The following SCTR variants were observed in gnomAD, a reference collection of about 807,000 sequenced individuals.
SCTR encodes pancreatic secretin receptor.
Under a neutral mutation model 60.8 loss-of-function variants are expected in SCTR, and 56 were observed. The ratio of observed to expected loss-of-function variants is 0.92; its 90% confidence interval spans 0.74 to 1.15. The LOEUF is 1.15. Among genes scored for constraint, SCTR ranks in the 50% most tolerant of loss-of-function variants. The pLI, the probability that SCTR is intolerant of heterozygous loss-of-function variation, is 0.00. For synonymous variants in SCTR, 202 were observed against 217.0 expected (o/e 0.93, Z 0.61); for missense variants, 562 against 550.4 (o/e 1.02, Z -0.21).
At chr2:119,485,371 G>A (rs912425057) in intron 2 of SCTR, among the ~76,000 whole-genome samples, 3 of 152,240 alleles carry the variant, frequency 2.0e-5, no homozygotes, top group Non-Finnish European at 4.4e-5. Flanking sequence ...CAGGGATAGA[G>A]AGGTGGCCCC....
In SCTR at chr2:119,440,093, C is replaced by G; in HGVS notation, c.*24G>C. ...CGCAGGACCTCTCTTGGTCTCTGTCCGTGGGTGACCCTGCTCCAGCCTCTC... is the reference window on the plus strand; with the variant it reads ...CGCAGGACCTCTCTTGGTCTCTGTCGGTGGGTGACCCTGCTCCAGCCTCTC... On this transcript the variant is annotated 3_prime_UTR_variant, in exon 13 of 13. Coordinates refer to ENST00000019103, the MANE Select transcript of SCTR (RefSeq NM_002980.3). 6.2e-7 allele frequency: 1 copy of G among 1,609,714 alleles called. No homozygotes were observed.
intron 1 of SCTR, among the ~76,000 whole-genome samples, chr2:119,514,949 G>A (rs560475651): frequency 6.6e-6 from 1 of 152,188 alleles, no homozygotes; most frequent in African/African-American, 2.4e-5. Flanking sequence ...ATAATTACTT[G>A]CCTAACAACC....
chr2:119,460,006 C>T lies in SCTR; in HGVS notation c.790+1841G>A, dbSNP rs77760004. Among the ~76,000 whole-genome samples, 906 of 151,942 alleles carry T rather than the reference C, an allele frequency of 6.0e-3. 4 individuals are homozygous for T. Among genetic ancestry groups the T allele is most frequent in the African/African-American group, 0.02 (823 of 41,450 alleles). On this transcript the variant is annotated intron_variant, in intron 7 of 12. Transcript: ENST00000019103. ...CTCTGGGATTGCTGGCCTCTAGAGA[C>T]GTCGGCATAACTCTGCAACCTCCCG...
At chr2:119,453,130 C>T (rs1683237233) in intron 8 of SCTR, among the ~76,000 whole-genome samples, 157 bp downstream of exon 8, 1 of 152,232 alleles carries the variant, frequency 6.6e-6, no homozygotes, top group African/African-American at 2.4e-5. Flanking sequence ...CCTGGAAACA[C>T]ACCTGGGAAG....
chr2:119,464,195 A>G lies in SCTR; in HGVS notation c.564T>C (p.Arg188=). ...CGTCCTTGATGAAGTTGGACAGGGC[A>G]CGAAGGATGAAGGACACGAACAGGT... The part of the protein sequence containing the change: ...HMHLFVSFIL[R]ALSNFIKDAV... The change falls in exon 6 of 13, where the codon CGT becomes CGC. Residue 188 remains arginine, a synonymous_variant. Transcript: ENST00000019103. 1 of 1,614,178 alleles carries G rather than the reference A, an allele frequency of 6.2e-7. No individual in the cohort carries two copies. The highest frequency in any genetic ancestry group is 8.5e-7 in the Non-Finnish European group (1 of 1,180,004).
chr2:119,489,987 G>T (rs1678051843), intron 2 of SCTR, among the ~76,000 whole-genome samples: 1 of 152,212 alleles, frequency 6.6e-6, no homozygotes, highest in Non-Finnish European at 1.5e-5. Flanking sequence ...TGCTGTCATT[G>T]GAATTTCAGG....
chr2:119,451,921 C>T (rs957814900), intron 9 of SCTR, 89 bp downstream of exon 9: 5 of 802,698 alleles, frequency 6.2e-6, no homozygotes, highest in Admixed American at 4.0e-5. Flanking sequence ...CTGCAGGGAG[C>T]CCTGTCCTTC....
intron 2 of SCTR, chr2:119,487,430 T>A (rs1677916190): frequency 6.6e-6 from 1 of 152,212 alleles, no homozygotes; most frequent in South Asian, 2.1e-4. Flanking sequence ...ATGACCCCAC[T>A]TGAAGGCAAG....
chr2:119,469,626 A>G (rs1293922669), intron 4 of SCTR, among the ~76,000 whole-genome samples: 1 of 152,168 alleles, frequency 6.6e-6, no homozygotes, highest in African/African-American at 2.4e-5. Context: ...AGTAGCTAAG[A>G]CTACAGGCAA....
At chr2:119,523,563 G>C (rs1361370625) in intron 1 of SCTR, among the ~76,000 whole-genome samples, 2 of 151,796 alleles carry the variant, frequency 1.3e-5, no homozygotes, top group Non-Finnish European at 2.9e-5. Flanking sequence ...AGCGGCAGGC[G>C]GTCCCATCGC....
chr2:119,474,257 C>T (rs1438585156), intron 3 of SCTR, among the ~76,000 whole-genome samples: 8 of 152,184 alleles, frequency 5.3e-5, no homozygotes, highest in East Asian at 1.9e-4. Flanking sequence ...TTATCAAACG[C>T]GGGCTGGCTG....
At chr2:119,516,566 G>A (rs10166028) in intron 1 of SCTR, among the ~76,000 whole-genome samples, 37,413 of 151,892 alleles carry the variant, frequency 0.25, 4,773 homozygotes, top group Admixed American at 0.26. Context: ...CTGGGAGGGG[G>A]TGGGAATGGA....
intron 12 of SCTR, among the ~76,000 whole-genome samples, chr2:119,440,653 C>G (rs905248312): frequency 1.3e-5 from 2 of 152,146 alleles, no homozygotes; most frequent in Non-Finnish European, 2.9e-5. Flanking sequence ...GGCTACTGGG[C>G]AGAGGGCCAG....
intron 7 of SCTR, among the ~76,000 whole-genome samples, chr2:119,455,006 A>C (rs1683319227): frequency 6.6e-6 from 1 of 151,404 alleles, no homozygotes; most frequent in South Asian, 2.1e-4. Flanking sequence ...TGGCTACTAG[A>C]AAATTTTAAG....
At chr2:119,524,111 T>C (rs749470484) in intron 1 of SCTR, 44 bp downstream of exon 1, 41 of 1,489,128 alleles carry the variant, frequency 2.8e-5, no homozygotes, top group Non-Finnish European at 3.7e-5. Flanking sequence ...GGCGAGACTG[T>C]CGCTCCCTCG....
At chr2:119,475,298 C>T (rs1041477956) in intron 3 of SCTR, among the ~76,000 whole-genome samples, 1 of 152,174 alleles carries the variant, frequency 6.6e-6, no homozygotes, top group Non-Finnish European at 1.5e-5. Flanking sequence ...AGGCCAGAAT[C>T]GAAGGTTATA....
At chr2:119,501,489 G>A (rs966339355) in intron 1 of SCTR, among the ~76,000 whole-genome samples, 4 of 152,140 alleles carry the variant, frequency 2.6e-5, no homozygotes, top group Non-Finnish European at 5.9e-5. Context: ...GGGGAGGAAA[G>A]GATGAACAGA....
chr2:119,476,815 A>T (rs1026178501), intron 3 of SCTR: 1 of 152,302 alleles, frequency 6.6e-6, no homozygotes, highest in African/African-American at 2.4e-5. Context: ...ACTGCACAGG[A>T]GTCAGAAAGT....
At chr2:119,456,105 GCCCAGGCTGGAGTGCAGTGGTCT>G (rs1211735368) in intron 7 of SCTR, among the ~76,000 whole-genome samples, 1 of 121,016 alleles carries the variant, frequency 8.3e-6, no homozygotes, top group East Asian at 2.4e-4. Context: ...TCACTCTGTT[GCCCAGGCTGGAGTGCAGTGGTCT>G]CAGCTCTCTG....
Sources: allele counts gnomAD v4.1 joint callset (sites outside exome capture counted in the v4.1 genomes callset), GRCh38; gene constraint gnomAD v4.1.1; transcripts MANE v1.5; gene names NCBI Gene and HGNC (gene_info 2026-07-23, HGNC 2026-07-21).